Variants in RBFOX1 observed in about 807,000 individuals in gnomAD.
RBFOX1 encodes RNA binding fox-1 homolog 1, also known as RNA binding protein fox-1 homolog 1.
In RBFOX1, 8 loss-of-function variants were observed where a neutral mutation model predicts 57.7. That is an observed-to-expected ratio of 0.14 (90% CI 0.08 to 0.25). The LOEUF (loss-of-function observed/expected upper bound fraction) is 0.25. Ranked by LOEUF, RBFOX1 falls within the 10% of genes least tolerant of loss-of-function variation. RBFOX1 has a pLI of 1.00. For synonymous variants in RBFOX1, 326 were observed against 222.4 expected (o/e 1.47, Z -4.15); for missense variants, 611 against 548.5 (o/e 1.11, Z -1.14).
At chr16:6,166,940 A>T (rs1184520566) in intron 1 of RBFOX1, among the ~76,000 whole-genome samples, 1 of 151,516 alleles carries the variant, frequency 6.6e-6, no homozygotes, top group Non-Finnish European at 1.5e-5. Context: ...CACCTAGCTA[A>T]TTTTTTTTAT....
chr16:5,743,293 T>G (rs1422498307), intron 3 of RBFOX1, among the ~76,000 whole-genome samples: 1 of 152,202 alleles, frequency 6.6e-6, no homozygotes, highest in Non-Finnish European at 1.5e-5. Flanking sequence ...GTTTTCTGAG[T>G]TATACTGGCT....
At chr16:7,041,311 G>T (rs58518401) in intron 3 of RBFOX1, among the ~76,000 whole-genome samples, 14,318 of 151,996 alleles carry the variant, frequency 0.094, 1,097 homozygotes, top group East Asian at 0.32. Context: ...CCACCATAAT[G>T]GGAGAACCGA....
At chr16:6,950,799 C>T (rs1873705) in intron 3 of RBFOX1, among the ~76,000 whole-genome samples, 17,455 of 152,210 alleles carry the variant, frequency 0.11, 1,241 homozygotes, top group South Asian at 0.17. Flanking sequence ...TGCTCTATCA[C>T]AACAGATGCT....
intron 4 of RBFOX1, among the ~76,000 whole-genome samples, chr16:7,204,490 T>C (rs1298992850): frequency 2.0e-5 from 3 of 151,988 alleles, no homozygotes; most frequent in Non-Finnish European, 2.9e-5. Context: ...AAAATTATAA[T>C]AGTAAATTAG....
intron 13 of RBFOX1, among the ~76,000 whole-genome samples, chr16:7,674,401 A>C (rs2072615714): frequency 6.6e-6 from 1 of 152,184 alleles, no homozygotes; most frequent in African/African-American, 2.4e-5. Flanking sequence ...ATTTACTAGA[A>C]GTAGCTACTC....
chr16:6,920,315 G>T (rs779883863), intron 3 of RBFOX1, among the ~76,000 whole-genome samples: 4 of 152,094 alleles, frequency 2.6e-5, no homozygotes, highest in Admixed American at 2.0e-4. Context: ...TGGATCAAAC[G>T]GTAGTTCTGC....
chr16:6,645,011 G>C (rs778982283), intron 2 of RBFOX1, among the ~76,000 whole-genome samples: 1 of 152,124 alleles, frequency 6.6e-6, no homozygotes, highest in African/African-American at 2.4e-5. Flanking sequence ...GAGGCTCTAC[G>C]TCCAAGTTGA....
chr16:7,197,289 G>A lies in RBFOX1; in HGVS notation c.27+145191G>A, dbSNP rs141624869. On this transcript the variant is annotated intron_variant, in intron 4 of 15. Transcript: ENST00000550418. ...CTCTGAGCAGCTATTGCTTCATGTCGTGGTTGAAGCAGGAAGCGACTGAGC... is the reference window on the plus strand; with the variant it reads ...CTCTGAGCAGCTATTGCTTCATGTCATGGTTGAAGCAGGAAGCGACTGAGC... Among the ~76,000 whole-genome samples the A allele has an allele frequency of 3.5e-4, 53 of 152,230 alleles. 2 individuals carry two copies. Among genetic ancestry groups the A allele is most frequent in the African/African-American group, 9.1e-4 (38 of 41,550 alleles).
At chr16:5,303,153 C>G (rs1242556107) in intron 1 of RBFOX1, among the ~76,000 whole-genome samples, 1 of 152,170 alleles carries the variant, frequency 6.6e-6, no homozygotes, top group Non-Finnish European at 1.5e-5. Context: ...ATACAGCTGC[C>G]TTAAGCTTAG....
chr16:6,431,882 A>ATGCTTGCT (rs530288649), intron 2 of RBFOX1, among the ~76,000 whole-genome samples: 2,137 of 126,348 alleles, frequency 0.017, 36 homozygotes, highest in Middle Eastern at 0.024. Flanking sequence ...GTCCAGAAAT[A>ATGCTTGCT]TGCTTGCTTG....
intron 1 of RBFOX1, among the ~76,000 whole-genome samples, chr16:6,255,041 T>G (rs1201446284): frequency 6.6e-6 from 1 of 152,160 alleles, no homozygotes; most frequent in Non-Finnish European, 1.5e-5. Context: ...CACCCCTTCC[T>G]TTTATGTCAT....
intron 3 of RBFOX1, among the ~76,000 whole-genome samples, chr16:6,818,539 A>C (rs1230025958): frequency 1.3e-5 from 2 of 152,226 alleles, no homozygotes; most frequent in African/African-American, 4.8e-5. Flanking sequence ...AGCTGTTGTA[A>C]GATTTAAACT....
At chr16:6,867,374 G>A (rs956110180) in intron 3 of RBFOX1, among the ~76,000 whole-genome samples, 1 of 151,794 alleles carries the variant, frequency 6.6e-6, no homozygotes, top group African/African-American at 2.4e-5. Context: ...TCTTTTTAAT[G>A]ACCTTTATAA....
intron 4 of RBFOX1, among the ~76,000 whole-genome samples, chr16:7,117,538 G>T (rs570580846): frequency 1.3e-5 from 2 of 152,126 alleles, no homozygotes; most frequent in East Asian, 3.9e-4. Flanking sequence ...GTGAGTTTAG[G>T]AAAATCTATT....
intron 3 of RBFOX1, among the ~76,000 whole-genome samples, chr16:5,832,981 G>C (rs1274473811): frequency 6.6e-6 from 1 of 152,132 alleles, no homozygotes; most frequent in African/African-American, 2.4e-5. Flanking sequence ...TGGGCCACAG[G>C]TGTTTTTGAG....
intron 2 of RBFOX1, among the ~76,000 whole-genome samples, chr16:6,346,155 T>C (rs1043513289): frequency 1.3e-5 from 2 of 152,182 alleles, no homozygotes; most frequent in African/African-American, 4.8e-5. Context: ...GCTTAGTAAT[T>C]TGGGGGGCCC....
rs566966744 is a variant in RBFOX1 at position 7,712,752 on chromosome 16, A to G, written c.*2007A>G. ...TTCTTAAAGGAAACGAATTATTAAAACACTATGACATCCTCCAGAGGGAAG... is the reference window on the plus strand; with the variant it reads ...TTCTTAAAGGAAACGAATTATTAAAGCACTATGACATCCTCCAGAGGGAAG... On this transcript the variant is annotated 3_prime_UTR_variant, in exon 16 of 16. Transcript: ENST00000550418. 2 of 152,286 alleles carry G rather than the reference A, an allele frequency of 1.3e-5. No homozygotes were observed. The highest frequency in any genetic ancestry group is 4.1e-4 in the South Asian group (2 of 4,826). The allele number at this position is 152,286 out of a possible 1,614,324, so 9.4% of individuals were successfully genotyped here. A position where few individuals can be genotyped will look rare whatever the true frequency, so the allele number is the denominator to read the frequency against.
chr16:7,461,711 C>T (rs187582409), intron 4 of RBFOX1, among the ~76,000 whole-genome samples: 2 of 152,256 alleles, frequency 1.3e-5, no homozygotes, highest in East Asian at 3.9e-4. Flanking sequence ...TATGATAATC[C>T]ACATCCAGCA....
At chr16:6,975,687 C>A (rs540659900) in intron 3 of RBFOX1, among the ~76,000 whole-genome samples, 1 of 152,172 alleles carries the variant, frequency 6.6e-6, no homozygotes, top group Non-Finnish European at 1.5e-5. Context: ...TAAATATCTT[C>A]CCTTGGAACA....
Sources: allele counts gnomAD v4.1 joint callset (sites outside exome capture counted in the v4.1 genomes callset), GRCh38; gene constraint gnomAD v4.1.1; transcripts MANE v1.5; gene names NCBI Gene and HGNC (gene_info 2026-07-23, HGNC 2026-07-21).